The following LARP1 variants were observed in gnomAD, a reference collection of about 807,000 sequenced individuals.
LARP1 encodes La ribonucleoprotein 1, translational regulator, also known as la-related protein 1.
Under a neutral mutation model 122.7 loss-of-function variants are expected in LARP1, and 36 were observed. That is an observed-to-expected ratio of 0.29 (90% confidence interval 0.22 to 0.39). The LOEUF (loss-of-function observed/expected upper bound fraction) is 0.39. LARP1 is among the 10% of genes least tolerant of loss of function. The pLI is 1.00. For missense variants in LARP1, 1,040 were observed against 1,403.6 expected (o/e 0.74, Z 4.14); for synonymous variants, 539 against 528.7 (o/e 1.02, Z -0.27).
chr5:154,808,344 AG>A, intron 15 of LARP1, 114 bp from the exon 16 acceptor site: 1 of 1,252,236 alleles, frequency 8.0e-7, no homozygotes, highest in Non-Finnish European at 1.1e-6. Context: ...ATGATGAGTG[AG>A]GGGATTTGGA....
intron 1 of LARP1, among the ~76,000 whole-genome samples, chr5:154,781,278 C>T (rs1756404710): frequency 6.6e-6 from 1 of 152,106 alleles, no homozygotes; most frequent in Non-Finnish European, 1.5e-5. Context: ...GCTGATTGTG[C>T]ATAGCTCATT....
chr5:154,788,266 C>T (rs1245115319), intron 1 of LARP1, among the ~76,000 whole-genome samples: 1 of 152,172 alleles, frequency 6.6e-6, no homozygotes, highest in Admixed American at 6.5e-5. Context: ...GAACTCTATC[C>T]TCTTGGGATT....
chr5:154,796,004 ATT>A (rs1445470504), intron 8 of LARP1, among the ~76,000 whole-genome samples: 2 of 99,862 alleles, frequency 2.0e-5, no homozygotes, highest in African/African-American at 8.0e-5. Flanking sequence ...TTTTATATAT[ATT>A]ATATATTTAT....
chr5:154,805,989 C>T lies in LARP1; in HGVS notation c.2655C>T (p.Phe885=), dbSNP rs1332266107. ...ATGAACTGCTCAAGGAAAATGGCTT[C>T]ACACAACACGTCTACCATAAGTATC... The part of the protein sequence containing the change: ...PSHELLKENG[F]TQHVYHKYRR... Residue 885 remains phenylalanine (F), a synonymous_variant, in exon 15 of 19, where the codon TTC becomes TTT. Coordinates refer to ENST00000518297, the MANE Select transcript of LARP1 (RefSeq NM_033551.3). 12 of 1,614,182 alleles carry T rather than the reference C, an allele frequency of 7.4e-6. No homozygotes were observed. Among genetic ancestry groups the T allele is most frequent in the South Asian group, 1.1e-5 (1 of 91,086 alleles).
intron 1 of LARP1, among the ~76,000 whole-genome samples, chr5:154,759,918 AGTTTGTTTGTTTGTTTGTTT>A (rs201541263): frequency 6.7e-6 from 1 of 149,420 alleles, no homozygotes; most frequent in African/African-American, 2.5e-5. Context: ...GGCTGGGCTA[AGTTTGTTTGTTTGTTTGTTT>A]GTTTGTTTGT....
At chr5:154,752,880 A>G (rs1753577245), upstream of LARP1, among the ~76,000 whole-genome samples, 1 of 152,020 alleles carries the variant, frequency 6.6e-6, no homozygotes, top group African/African-American at 2.4e-5. Context: ...CGGAGGTTGC[A>G]GTGAGCTGAG....
intron 1 of LARP1, among the ~76,000 whole-genome samples, chr5:154,776,914 T>C (rs1227209859): frequency 6.6e-6 from 1 of 152,252 alleles, no homozygotes; most frequent in Non-Finnish European, 1.5e-5. Context: ...TCAAGTAATT[T>C]AAGTGTTTAA....
intron 10 of LARP1, among the ~76,000 whole-genome samples, chr5:154,800,389 C>A (rs1421435110): frequency 1.3e-5 from 2 of 152,152 alleles, no homozygotes; most frequent in Non-Finnish European, 2.9e-5. Flanking sequence ...TTTTTGGTGT[C>A]TTTTCCCTGA....
intron 18 of LARP1, among the ~76,000 whole-genome samples, chr5:154,812,934 G>T (rs1181521438): frequency 6.6e-6 from 1 of 152,194 alleles, no homozygotes; most frequent in Non-Finnish European, 1.5e-5. Context: ...CCCGCGACAT[G>T]TGGGGATTAT....
intron 1 of LARP1, among the ~76,000 whole-genome samples, chr5:154,700,965 CAA>C (rs796380216): frequency 7.3e-6 from 1 of 137,864 alleles, no homozygotes. Context: ...GACTCCATCT[CAA>C]AAAAAAAAAG....
chr5:154,737,436 C>CTTTTTTTTTTTTTTTTTTTTTTTTTTTTT (rs10526758), intron 1 of LARP1, among the ~76,000 whole-genome samples: 1 of 95,304 alleles, frequency 1.0e-5, no homozygotes. Context: ...GAATTTTTCT[C>CTTTTTTTTTTTTTTTTTTTTTTTTTTTTT]TTTTTTTTTT....
intron 1 of LARP1, among the ~76,000 whole-genome samples, chr5:154,762,981 T>G (rs1473876656): frequency 6.6e-6 from 1 of 152,094 alleles, no homozygotes; most frequent in African/African-American, 2.4e-5. Flanking sequence ...GTAATAGTAC[T>G]GGAATAGTCA....
At chr5:154,691,381 G>A (rs1754200102) in intron 1 of LARP1, among the ~76,000 whole-genome samples, 1 of 152,204 alleles carries the variant, frequency 6.6e-6, no homozygotes, top group African/African-American at 2.4e-5. Flanking sequence ...CCCCTCTCTG[G>A]GCCGCGGAGG....
At chr5:154,782,036 T>G (rs1179166487) in intron 1 of LARP1, among the ~76,000 whole-genome samples, 1 of 152,154 alleles carries the variant, frequency 6.6e-6, no homozygotes, top group East Asian at 1.9e-4. Context: ...TCAGGAAGCC[T>G]CCTGAGGAGA....
At chr5:154,764,601 A>AAAG (rs1754760791) in intron 1 of LARP1, among the ~76,000 whole-genome samples, 1 of 148,374 alleles carries the variant, frequency 6.7e-6, no homozygotes, top group Admixed American at 6.7e-5. Context: ...GTCTCAAAAA[A>AAAG]AAAAAAAAAA....
At chr5:154,683,856 G>A (rs17116366) in intron 1 of LARP1, among the ~76,000 whole-genome samples, 10,356 of 152,270 alleles carry the variant, frequency 0.068, 515 homozygotes, top group East Asian at 0.13. Flanking sequence ...GATCAGAGTA[G>A]ACCTCAAATG....
chr5:154,730,920 T>C (rs990568455), intron 1 of LARP1, among the ~76,000 whole-genome samples: 1 of 143,572 alleles, frequency 7.0e-6, no homozygotes, highest in Non-Finnish European at 1.5e-5. Context: ...CAAGCTGGAG[T>C]GCAGTGGCGT....
chr5:154,788,610 C>T (rs1757075741), intron 1 of LARP1, among the ~76,000 whole-genome samples: 1 of 152,070 alleles, frequency 6.6e-6, no homozygotes, highest in Non-Finnish European at 1.5e-5. Flanking sequence ...AGTCGGTGAG[C>T]AGAGCCACAG....
intron 1 of LARP1, among the ~76,000 whole-genome samples, chr5:154,768,570 A>AT (rs1351407770): frequency 6.6e-6 from 1 of 151,992 alleles, no homozygotes; most frequent in Non-Finnish European, 1.5e-5. Context: ...TTTTTTATTT[A>AT]TTTATTTTTA....
Sources: gnomAD v4.1 joint callset for allele counts (sites outside exome capture counted in the v4.1 genomes callset) on GRCh38, gnomAD v4.1.1 for gene constraint, MANE v1.5 for transcripts, NCBI Gene and HGNC (gene_info 2026-07-23, HGNC 2026-07-21) for gene names.